The following POMT2 variants were observed in gnomAD, a reference collection of about 807,000 sequenced individuals.
POMT2 encodes protein O-mannosyltransferase 2.
Under a neutral mutation model 100.0 loss-of-function variants are expected in POMT2, and 75 were observed. The observed-to-expected ratio is 0.75, with a 90% CI of 0.62 to 0.91. POMT2 has a LOEUF of 0.91. Ranked by LOEUF, POMT2 falls within the 40% of genes least tolerant of loss-of-function variation. The pLI is 0.00. For missense variants in POMT2, 940 were observed against 955.1 expected, an observed-to-expected ratio of 0.98 and a Z score of 0.21; for synonymous variants, 378 against 374.1, an observed-to-expected ratio of 1.01 and a Z score of -0.12.
chr14:77,310,123 T>C (rs959133945), intron 2 of POMT2, among the ~76,000 whole-genome samples: 5 of 152,272 alleles, frequency 3.3e-5, no homozygotes, highest in African/African-American at 7.2e-5. Flanking sequence ...ATCAGAAATC[T>C]GGTTCCCAGG....
At chr14:77,318,115 T>A (rs1891695005) in intron 1 of POMT2, among the ~76,000 whole-genome samples, 2 of 152,146 alleles carry the variant, frequency 1.3e-5, no homozygotes, top group African/African-American at 4.8e-5. Flanking sequence ...AAAGAAACAA[T>A]CCTGGCATCT....
At chr14:77,293,728 G>A (rs968424919) in intron 9 of POMT2, among the ~76,000 whole-genome samples, 3 of 152,144 alleles carry the variant, frequency 2.0e-5, no homozygotes, top group South Asian at 2.1e-4. Context: ...AGACACTTTC[G>A]TCCCTTGGCG....
chr14:77,306,417 G>T lies in POMT2; in HGVS notation c.358C>A (p.Leu120Met). 1 of 1,612,824 alleles carries T rather than the reference G, an allele frequency of 6.2e-7. No individual in the cohort carries two copies. ...GKMLIGLAGY[L>M]SGYDGTFLFQ... is the part of the protein sequence containing the mutation. ...AAAAAGGTACCATCATATCCACTCA[G>T]GTAGCCAGCAAGACCTATCAGCATC... The change falls in exon 3 of 21, where the codon CTG becomes ATG. Residue 120 changes from leucine to methionine, a missense_variant. By Grantham distance (15) the Leu-to-Met change is conservative (BLOSUM62 2). Coordinates refer to ENST00000261534, the MANE Select transcript of POMT2 (RefSeq NM_013382.7).
chr14:77,311,932 T>C lies in POMT2; in HGVS notation c.333+17A>G, dbSNP rs1387414501. ...ATCCTCTGGGACCAGAGAGCTGCTATTCACCACACTGCTCACCTTTCCCAG... is the reference window on the plus strand; with the variant it reads ...ATCCTCTGGGACCAGAGAGCTGCTACTCACCACACTGCTCACCTTTCCCAG... On this transcript the variant is annotated intron_variant, in intron 2 of 20. Transcript: ENST00000261534. 1.2e-6 allele frequency: 2 copies of C among 1,613,760 alleles called. No homozygotes were observed. Among genetic ancestry groups the C allele is most frequent in the African/African-American group, 2.7e-5 (2 of 74,912 alleles).
rs1247596992 is a variant in POMT2 at position 77,276,989 on chromosome 14, T to C, written c.*387A>G. ...AAAAAAATACCAGAAAATATTACTA[T>C]AGCCTGGACTATTTTAGAGTTTATG... On this transcript the variant is annotated 3_prime_UTR_variant, in exon 21 of 21. Transcript: ENST00000261534. The C allele has an allele frequency of 4.9e-6, 1 of 204,538 alleles. No individual in the cohort carries two copies. The highest frequency in any genetic ancestry group is 2.3e-5 in the African/African-American group (1 of 43,912). 12.7% of individuals were successfully genotyped at this position (204,538 alleles called of 1,614,324 possible).
chr14:77,284,225 G>A lies in POMT2; in HGVS notation c.1577-352C>T, dbSNP rs965417161. 3 of 355,084 alleles carry A rather than the reference G, an allele frequency of 8.4e-6. No homozygotes were observed. In the Admixed American group the frequency reaches 1.2e-4, roughly 14 times the overall value. The allele number at this position is 355,084 out of a possible 1,614,324, so 22.0% of individuals were successfully genotyped here. On this transcript the variant is annotated intron_variant, in intron 14 of 20. Transcript: ENST00000261534. ...CCCGAGTCACTGTGGCCCTTTGAAGGGCCTGGGAATGAGGAATAAATCATT... is the reference window on the plus strand; with the variant it reads ...CCCGAGTCACTGTGGCCCTTTGAAGAGCCTGGGAATGAGGAATAAATCATT...
chr14:77,285,292 T>G, intron 13 of POMT2, 189 bp downstream of exon 13: 1 of 791,756 alleles, frequency 1.3e-6, no homozygotes, highest in African/African-American at 1.7e-5. Context: ...TCAGAACACA[T>G]AAAACACCGA....
intron 5 of POMT2, among the ~76,000 whole-genome samples, chr14:77,302,314 G>C (rs919429290): frequency 6.6e-6 from 1 of 152,198 alleles, no homozygotes; most frequent in African/African-American, 2.4e-5. Context: ...GGCTGGTATG[G>C]ACCATTCAAG....
At chr14:77,317,838 A>C (rs1891685558) in intron 1 of POMT2, among the ~76,000 whole-genome samples, 1 of 152,248 alleles carries the variant, frequency 6.6e-6, no homozygotes, top group Non-Finnish European at 1.5e-5. Context: ...TATGTAATTC[A>C]GACTTAATTC....
In POMT2 at chr14:77,317,559, A is replaced by G. The variant is rs117068304; in HGVS notation, c.248+2875T>C. On this transcript the variant is annotated intron_variant, in intron 1 of 20. Coordinates refer to ENST00000261534, the MANE Select transcript of POMT2 (RefSeq NM_013382.7). Reference sequence around the variant, plus strand: ...CAAGTACTGAACAGTTCCCTCAAAGATCAACTCAAAAAGATTTTTGATTCT... The same window carrying G: ...CAAGTACTGAACAGTTCCCTCAAAGGTCAACTCAAAAAGATTTTTGATTCT... 2.5e-4 allele frequency among the ~76,000 whole-genome samples: 38 copies of G among 152,316 alleles called. No homozygotes were observed. In the East Asian group the frequency reaches 7.1e-3, roughly 29 times the overall value.
chr14:77,298,793 AAG>A, intron 7 of POMT2, 22 bp from the exon 8 acceptor site: 1 of 1,603,136 alleles, frequency 6.2e-7, no homozygotes, highest in Middle Eastern at 1.7e-4. Flanking sequence ...GGAAGAGCAG[AAG>A]AGAGTCAAGT....
At chr14:77,320,249 G>C (rs558213074) in intron 1 of POMT2, 185 bp downstream of exon 1, 1 of 990,322 alleles carries the variant, frequency 1.0e-6, no homozygotes, top group South Asian at 1.5e-5. Flanking sequence ...CCCACCACCA[G>C]AGCAAAACGA....
At chr14:77,304,510 T>C (rs186883981) in intron 4 of POMT2, among the ~76,000 whole-genome samples, 182 bp downstream of exon 4, 1 of 152,380 alleles carries the variant, frequency 6.6e-6, no homozygotes, top group African/African-American at 2.4e-5. Flanking sequence ...AGGCTTGTTA[T>C]ATATAACTAT....
intron 2 of POMT2, among the ~76,000 whole-genome samples, chr14:77,307,882 A>C (rs1294705042): frequency 1.9e-4 from 7 of 36,088 alleles, no homozygotes; most frequent in Non-Finnish European, 3.7e-4. Flanking sequence ...TTTTTTTTTG[A>C]GACAGAGTCT....
intron 4 of POMT2, 125 bp from the exon 5 acceptor site, chr14:77,303,068 A>T (rs1220366097): frequency 2.6e-6 from 2 of 757,444 alleles, no homozygotes; most frequent in Non-Finnish European, 2.3e-6. Context: ...TTGTGCAGTC[A>T]GGACTAGAGT....
Position 77,279,759 on chromosome 14 carries a change from TC to T in POMT2, c.1891+63del, listed in dbSNP as rs765109161. On this transcript the variant is annotated intron_variant, in intron 18 of 20. Coordinates refer to ENST00000261534, the MANE Select transcript of POMT2 (RefSeq NM_013382.7). ...TGGCCCATCAGCAGGCAGCCGGCCC[TC>T]CCCAGGGGTGCAGGTGCCCTGCTGC... 74 of 1,519,114 alleles carry T rather than the reference TC, an allele frequency of 4.9e-5. No homozygotes were observed. In the African/African-American group the frequency reaches 8.1e-4, roughly 17 times the overall value. The allele number at this position is 1,519,114 out of a possible 1,614,324, so 94.1% of individuals were successfully genotyped here. A position where few individuals can be genotyped will look rare whatever the true frequency, so the allele number is the denominator to read the frequency against.
Position 77,276,914 on chromosome 14 carries a change from C to T in POMT2, c.*462G>A, listed in dbSNP as rs901777141. The T allele has an allele frequency of 5.5e-6, 1 of 181,576 alleles. No homozygotes were observed. Among genetic ancestry groups the T allele is most frequent in the African/African-American group, 2.3e-5 (1 of 42,698 alleles). 11.2% of individuals were successfully genotyped at this position (181,576 alleles called of 1,614,324 possible). ...CTGCCCTCAAGGCCCTCTCAGAGGT[C>T]TGAGAATTTTTGATGGATCTTACAA... is the stretch of plus-strand genomic sequence containing the variant. On this transcript the variant is annotated 3_prime_UTR_variant, in exon 21 of 21. Coordinates refer to ENST00000261534, the MANE Select transcript of POMT2 (RefSeq NM_013382.7).
chr14:77,319,012 A>C (rs1891729894), intron 1 of POMT2, among the ~76,000 whole-genome samples: 1 of 152,214 alleles, frequency 6.6e-6, no homozygotes, highest in South Asian at 2.1e-4. Context: ...CCGGGATTAC[A>C]GGTGTGAGCC....
chr14:77,279,484 T>C (rs1208109482), intron 18 of POMT2: 1 of 496,728 alleles, frequency 2.0e-6, no homozygotes, highest in Non-Finnish European at 3.9e-6. Flanking sequence ...GGGCTAAAAG[T>C]GAGGGCTGTG....
Sources: allele counts gnomAD v4.1 joint callset (sites outside exome capture counted in the v4.1 genomes callset), GRCh38; gene constraint gnomAD v4.1.1; transcripts MANE v1.5; gene names NCBI Gene and HGNC (gene_info 2026-07-23, HGNC 2026-07-21).